The following PCYOX1 variants were observed in gnomAD, a reference collection of about 807,000 sequenced individuals.
The protein encoded by PCYOX1 is prenylcysteine oxidase 1.
Under a neutral mutation model 46.4 loss-of-function variants are expected in PCYOX1, and 46 were observed. The ratio of observed to expected loss-of-function variants is 0.99; its 90% CI spans 0.78 to 1.27. The LOEUF (loss-of-function observed/expected upper bound fraction) is 1.27. Among genes scored for constraint, PCYOX1 ranks in the 50% most tolerant of loss-of-function variants. The pLI, the probability that PCYOX1 is intolerant of heterozygous loss-of-function variation, is 0.00. For synonymous variants in PCYOX1, 220 were observed against 231.8 expected (o/e 0.95, Z 0.46); for missense variants, 658 against 628.3 (o/e 1.05, Z -0.51).
chr2:70,278,526 AAAT>A lies in PCYOX1; in HGVS notation c.*1137_*1139del, dbSNP rs1326295923. The A allele has an allele frequency of 2.6e-5, 4 of 152,370 alleles. No homozygotes were observed. Among genetic ancestry groups the A allele is most frequent in the African/African-American group, 4.8e-5 (2 of 41,472 alleles). The allele number at this position is 152,370 out of a possible 1,614,324, so 9.4% of individuals were successfully genotyped here. ...GACAGCCTAACAGCAGAGGCAACTT[AAAT>A]AACTCCTGAGCAGTTGGCACTAGAA... is the stretch of plus-strand genomic sequence containing the variant. On this transcript the variant is annotated 3_prime_UTR_variant, in exon 6 of 6. Coordinates refer to ENST00000433351, the MANE Select transcript of PCYOX1 (RefSeq NM_016297.4).
intron 3 of PCYOX1, among the ~76,000 whole-genome samples, chr2:70,264,163 C>T (rs941629358): frequency 6.6e-6 from 1 of 151,458 alleles, no homozygotes; most frequent in Admixed American, 6.6e-5. Flanking sequence ...TGAGGTTTGG[C>T]CATGTTGCCC....
rs1458718906 is a variant in PCYOX1 at position 70,281,059 on chromosome 2, C to CCTCT, written c.*3670_*3673dup. ...CATTGTGGACAGCATCCTCACTACCCCTCTCTACTCACTCACAAAGAACCA... is the reference window on the plus strand; with the variant it reads ...CATTGTGGACAGCATCCTCACTACCCCTCTCTCTCTACTCACTCACAAAGAACCA... On this transcript the variant is annotated 3_prime_UTR_variant, in exon 6 of 6. Coordinates refer to ENST00000433351, the MANE Select transcript of PCYOX1 (RefSeq NM_016297.4). 6.6e-6 allele frequency: 1 copy of CCTCT among 152,176 alleles called. No homozygotes were observed. Among genetic ancestry groups the CCTCT allele is most frequent in the Non-Finnish European group, 1.5e-5 (1 of 68,050 alleles). The allele number at this position is 152,176 out of a possible 1,614,324, so 9.4% of individuals were successfully genotyped here.
chr2:70,262,578 C>G (rs1696456608), intron 3 of PCYOX1, among the ~76,000 whole-genome samples: 1 of 150,338 alleles, frequency 6.7e-6, no homozygotes. Flanking sequence ...CTCCCTGGTT[C>G]AAGCGATTCT....
intron 3 of PCYOX1, among the ~76,000 whole-genome samples, chr2:70,267,985 A>G (rs974692104): frequency 6.6e-6 from 1 of 151,694 alleles, no homozygotes; most frequent in African/African-American, 2.4e-5. Context: ...TAATTTTTGT[A>G]TTTTTAGTAG....
chr2:70,277,793 A>G lies in PCYOX1; in HGVS notation c.*401A>G, dbSNP rs905679943. On this transcript the variant is annotated 3_prime_UTR_variant, in exon 6 of 6. Transcript: ENST00000433351. ...AGTTTGTTAAACCATATGGATTCTC[A>G]AGCTCCTCTCTTGAAGATTCTGATT... The G allele has an allele frequency of 1.9e-5, 3 of 161,408 alleles. No individual in the cohort carries two copies. The highest frequency in any genetic ancestry group is 4.1e-5 in the Non-Finnish European group (3 of 74,030). The allele number at this position is 161,408 out of a possible 1,614,324, so 10.0% of individuals were successfully genotyped here.
intron 3 of PCYOX1, 176 bp from the exon 4 acceptor site, chr2:70,274,783 T>TG: frequency 1.7e-6 from 1 of 594,600 alleles, no homozygotes; most frequent in South Asian, 2.0e-5. Flanking sequence ...AGGCTGGTCT[T>TG]GAACTCCTGA....
intron 3 of PCYOX1, among the ~76,000 whole-genome samples, chr2:70,269,941 G>A (rs1322463172): frequency 6.6e-6 from 1 of 152,100 alleles, no homozygotes; most frequent in Non-Finnish European, 1.5e-5. Flanking sequence ...GTTTCACATT[G>A]CAGTTGGAAG....
At chr2:70,273,778 G>A (rs983886959) in intron 3 of PCYOX1, among the ~76,000 whole-genome samples, 1 of 152,184 alleles carries the variant, frequency 6.6e-6, no homozygotes, top group Non-Finnish European at 1.5e-5. Flanking sequence ...TCCATAAAAT[G>A]CAGAGAAGTG....
At chr2:70,262,075 A>G (rs1381469592) in intron 3 of PCYOX1, among the ~76,000 whole-genome samples, 1 of 152,186 alleles carries the variant, frequency 6.6e-6, no homozygotes, top group Non-Finnish European at 1.5e-5. Flanking sequence ...TCACTTTGGT[A>G]ATCAGGAAGA....
intron 3 of PCYOX1, among the ~76,000 whole-genome samples, chr2:70,268,033 A>G (rs1573980361): frequency 6.6e-6 from 1 of 151,294 alleles, no homozygotes; most frequent in African/African-American, 2.4e-5. Flanking sequence ...CAGGTCTTGC[A>G]CTCCTGACCT....
chr2:70,259,457 G>T lies in PCYOX1; in HGVS notation c.210G>T (p.Glu70Asp), dbSNP rs749542272. 42 of 1,614,014 alleles carry T rather than the reference G, an allele frequency of 2.6e-5. No individual in the cohort carries two copies. Among genetic ancestry groups the T allele is most frequent in the Non-Finnish European group, 3.5e-5 (41 of 1,180,016 alleles). ...DVKIDLFEREEVGGRLATMMV... is the reference protein window; with the variant it reads ...DVKIDLFEREDVGGRLATMMV... ...AGATAGACCTGTTTGAAAGAGAAGAGGTCGGGGGCCGCCTGGCTACCATGA... is the reference window on the plus strand; with the variant it reads ...AGATAGACCTGTTTGAAAGAGAAGATGTCGGGGGCCGCCTGGCTACCATGA... Residue 70 changes from glutamate (E) to aspartate (D), a missense_variant, in exon 2 of 6, where the codon GAG becomes GAT. By Grantham distance (45) the Glu-to-Asp change is conservative. Coordinates refer to ENST00000433351, the MANE Select transcript of PCYOX1 (RefSeq NM_016297.4).
chr2:70,261,277 G>C lies in PCYOX1; in HGVS notation c.385G>C (p.Glu129Gln). Residue 129 changes from glutamate to glutamine, a missense_variant, in exon 3 of 6, where the codon GAG becomes CAG. Transcript: ENST00000433351. ...GIYNGETLVF[E>Q]ESNWFIINVI... ...ATATAATGGAGAGACTCTGGTATTT[G>C]AGGAGAGCAACTGGTTCATAATTAA... 6.2e-7 allele frequency: 1 copy of C among 1,610,800 alleles called. No individual in the cohort carries two copies. Among genetic ancestry groups the C allele is most frequent in the South Asian group, 1.1e-5 (1 of 91,002 alleles).
Position 70,276,997 on chromosome 2 carries a change from A to G in PCYOX1, c.1123A>G (p.Asn375Asp), listed in dbSNP as rs369390896. 2.5e-6 allele frequency: 4 copies of G among 1,613,956 alleles called. No individual in the cohort carries two copies. The African/African-American group carries it at 5.3e-5, about 22-fold the overall frequency. ...FGLNTVLTTDNSDLFINSIGI... is the reference protein window; with the variant it reads ...FGLNTVLTTDDSDLFINSIGI... ...CCTTAATACAGTTTTAACCACTGATAATTCAGATTTGTTCATTAACAGTAT... is the reference window on the plus strand; with the variant it reads ...CCTTAATACAGTTTTAACCACTGATGATTCAGATTTGTTCATTAACAGTAT... Residue 375 changes from asparagine to aspartate, a missense_variant, in exon 6 of 6, where the codon AAT becomes GAT. Transcript: ENST00000433351.
At chr2:70,269,082 G>A (rs1696567004) in intron 3 of PCYOX1, among the ~76,000 whole-genome samples, 1 of 151,554 alleles carries the variant, frequency 6.6e-6, no homozygotes, top group South Asian at 2.1e-4. Flanking sequence ...CTCCATTATT[G>A]TTGAACTATG....
At chr2:70,267,474 C>T (rs1424533637) in intron 3 of PCYOX1, among the ~76,000 whole-genome samples, 6 of 152,172 alleles carry the variant, frequency 3.9e-5, no homozygotes, top group African/African-American at 7.2e-5. Context: ...GCCGAGATCA[C>T]GCCACTGCAC....
intron 3 of PCYOX1, chr2:70,274,709 A>G (rs916834768): frequency 1.3e-5 from 6 of 446,318 alleles, no homozygotes; most frequent in African/African-American, 1.0e-4. Flanking sequence ...GACCACAGGC[A>G]TACACCACTA....
intron 3 of PCYOX1, among the ~76,000 whole-genome samples, chr2:70,266,832 C>T (rs1301494735): frequency 6.6e-6 from 1 of 152,142 alleles, no homozygotes; most frequent in African/African-American, 2.4e-5. Flanking sequence ...TCTCTTACTA[C>T]AGAACAAAAT....
rs58574461 is a variant in PCYOX1, at chr2:70,266,403, A to G, written c.494+5017A>G. Among the ~76,000 whole-genome samples, 8 of 152,150 alleles carry G rather than the reference A, an allele frequency of 5.3e-5. No individual in the cohort carries two copies. The East Asian group carries it at 1.5e-3, about 29-fold the overall frequency. ...AGGAACCAGCCTTGTGCACACCTTGATTTTAGCCCGGAGAGACTGACTTTG... is the reference window on the plus strand; with the variant it reads ...AGGAACCAGCCTTGTGCACACCTTGGTTTTAGCCCGGAGAGACTGACTTTG... On this transcript the variant is annotated intron_variant, in intron 3 of 5. Transcript: ENST00000433351.
At chr2:70,264,396 G>A (rs559261357) in intron 3 of PCYOX1, among the ~76,000 whole-genome samples, 3 of 151,474 alleles carry the variant, frequency 2.0e-5, no homozygotes, top group South Asian at 2.1e-4. Flanking sequence ...GTGCAATCTC[G>A]GCTCACTGCA....
Sources: allele counts gnomAD v4.1 joint callset (sites outside exome capture counted in the v4.1 genomes callset), GRCh38; gene constraint gnomAD v4.1.1; transcripts MANE v1.5; gene names NCBI Gene and HGNC (gene_info 2026-07-23, HGNC 2026-07-21).